The following GLMN variants were observed in gnomAD, a reference collection of about 807,000 sequenced individuals.
The protein encoded by GLMN is glomulin, FKBP associated protein, also known as glomulin.
In GLMN, 75 loss-of-function variants were observed where a neutral mutation model predicts 87.8. That is an observed-to-expected ratio of 0.85 (90% CI 0.71 to 1.04). The LOEUF is 1.04. Ranked by LOEUF, GLMN falls within the 50% of genes least tolerant of loss-of-function variation. GLMN has a pLI of 0.00. For synonymous variants in GLMN, 206 were observed against 221.6 expected (o/e 0.93, Z 0.63); for missense variants, 588 against 658.8 (o/e 0.89, Z 1.18).
chr1:92,327,801 T>C, the GLMN span, among the ~76,000 whole-genome samples: 1 of 152,196 alleles, frequency 6.6e-6, no homozygotes, highest in Admixed American at 6.5e-5. Flanking sequence ...ATTTCCAGGA[T>C]TTGTTTCAAG....
chr1:92,258,742 G>A (rs1277049743), intron 16 of GLMN, among the ~76,000 whole-genome samples: 5 of 152,164 alleles, frequency 3.3e-5, no homozygotes, highest in Admixed American at 2.0e-4. Context: ...ATCACACACC[G>A]GGGCCTGTCA....
intron 13 of GLMN, 47 bp from the exon 14 acceptor site, chr1:92,264,685 T>C (rs763320280): frequency 1.0e-6 from 1 of 983,880 alleles, no homozygotes; most frequent in Non-Finnish European, 1.6e-6. Context: ...TGGACAGCAT[T>C]AGAATTAAAT....
At chr1:92,291,862 C>T (rs1414874822) in intron 3 of GLMN, among the ~76,000 whole-genome samples, 1 of 152,140 alleles carries the variant, frequency 6.6e-6, no homozygotes, top group Non-Finnish European at 1.5e-5. Context: ...CTTCCACAGA[C>T]AATTTTGCTC....
the GLMN span, among the ~76,000 whole-genome samples, chr1:92,305,155 G>A: frequency 2.6e-5 from 4 of 151,408 alleles, no homozygotes; most frequent in Non-Finnish European, 5.9e-5. Flanking sequence ...ACAATAGACC[G>A]GGCGCCCTGG....
rs149479370 is a variant in GLMN at position 92,274,107 on chromosome 1, T to C, written c.736-2455A>G. On this transcript the variant is annotated intron_variant, in intron 7 of 18. Transcript: ENST00000370360. Reference sequence around the variant, plus strand: ...ACAGAAGACATCTCCTCATTTCATCTCCAAGCTGGTCTCACCTCTACTTCT... The same window carrying C: ...ACAGAAGACATCTCCTCATTTCATCCCCAAGCTGGTCTCACCTCTACTTCT... 2.0e-5 allele frequency among the ~76,000 whole-genome samples: 3 copies of C among 152,312 alleles called. No homozygotes were observed. In the East Asian group the frequency reaches 5.8e-4, roughly 29 times the overall value.
the GLMN span, among the ~76,000 whole-genome samples, chr1:92,309,868 G>A: frequency 6.6e-6 from 1 of 152,140 alleles, no homozygotes; most frequent in African/African-American, 2.4e-5. Flanking sequence ...AATAACAAAG[G>A]GCCAGGCTGA....
chr1:92,247,201 G>A lies in GLMN; in HGVS notation c.1586-57C>T, dbSNP rs141142924. 26 of 851,674 alleles carry A rather than the reference G, an allele frequency of 3.1e-5. No individual in the cohort carries two copies. The Admixed American group carries it at 4.2e-4, about 14-fold the overall frequency. The allele number at this position is 851,674 out of a possible 1,614,324, so 52.8% of individuals were successfully genotyped here. On this transcript the variant is annotated intron_variant, in intron 17 of 18. Transcript: ENST00000370360. ...TAACTCTCAGATTTCAATAACAAAG[G>A]TATAAGCTACTTTCATTCACTAACT...
At chr1:92,256,658 T>C (rs182598792) in intron 16 of GLMN, among the ~76,000 whole-genome samples, 15 of 152,260 alleles carry the variant, frequency 9.9e-5, no homozygotes, top group African/African-American at 2.4e-4. Flanking sequence ...AAAAACCACA[T>C]GATTATCTCA....
intron 16 of GLMN, among the ~76,000 whole-genome samples, chr1:92,250,297 AAC>A (rs199795458): frequency 2.6e-5 from 3 of 113,470 alleles, no homozygotes; most frequent in African/African-American, 6.3e-5. Flanking sequence ...GTATCACTTA[AAC>A]AATATAATTT....
the GLMN span, among the ~76,000 whole-genome samples, chr1:92,360,409 C>T: frequency 1.3e-5 from 2 of 152,082 alleles, no homozygotes; most frequent in African/African-American, 2.4e-5. Context: ...GAGCAAATGC[C>T]GACTACTCTT....
the GLMN span, among the ~76,000 whole-genome samples, chr1:92,327,336 G>A: frequency 6.6e-6 from 1 of 152,032 alleles, no homozygotes; most frequent in South Asian, 2.1e-4. Flanking sequence ...AAATTTGGGA[G>A]CTCCAGGTTT....
chr1:92,358,286 C>G, the GLMN span, among the ~76,000 whole-genome samples: 1 of 152,116 alleles, frequency 6.6e-6, no homozygotes, highest in Non-Finnish European at 1.5e-5. Flanking sequence ...CTCTGACCTT[C>G]TTTCATATGT....
At chr1:92,331,750 CCTT>C in the GLMN span, among the ~76,000 whole-genome samples, 1 of 152,040 alleles carries the variant, frequency 6.6e-6, no homozygotes. Context: ...GTTTTTCATT[CCTT>C]CTTCTATCCC....
chr1:92,282,943 T>TGAATAGACC (rs1648261430), intron 7 of GLMN, among the ~76,000 whole-genome samples: 1 of 152,162 alleles, frequency 6.6e-6, no homozygotes. Context: ...GTTGAATCTC[T>TGAATAGACC]GAATAGACCA....
rs1362932896 is a variant in GLMN, at chr1:92,259,761, C to T, written c.1473+3102G>A. Among the ~76,000 whole-genome samples, 4 of 110,838 alleles carry T rather than the reference C, an allele frequency of 3.6e-5. No individual in the cohort carries two copies. The South Asian group carries it at 1.0e-3, about 28-fold the overall frequency. The allele number at this position is 110,838 out of a possible 152,430, so 72.7% of individuals were successfully genotyped here. ...TTTTTTTTTTTTTTTTTGAGACAGACTCTTGCTCTGTCACCCAGTGGGGAG... is the reference window on the plus strand; with the variant it reads ...TTTTTTTTTTTTTTTTTGAGACAGATTCTTGCTCTGTCACCCAGTGGGGAG... On this transcript the variant is annotated intron_variant, in intron 16 of 18. Coordinates refer to ENST00000370360, the MANE Select transcript of GLMN (RefSeq NM_053274.3).
the GLMN span, among the ~76,000 whole-genome samples, chr1:92,317,456 C>T: frequency 2.6e-4 from 40 of 151,780 alleles, no homozygotes; most frequent in Admixed American, 2.0e-3. Flanking sequence ...TGCAGTGAGC[C>T]GAGATTGTGC....
chr1:92,349,756 C>T, the GLMN span, among the ~76,000 whole-genome samples: 5 of 152,076 alleles, frequency 3.3e-5, no homozygotes, highest in South Asian at 2.1e-4. Context: ...AGTGAGACCC[C>T]GTCTCTACAA....
intron 9 of GLMN, among the ~76,000 whole-genome samples, chr1:92,269,201 T>C (rs1655975295): frequency 7.2e-6 from 1 of 138,420 alleles, no homozygotes; most frequent in Admixed American, 7.3e-5. Flanking sequence ...CGTGCCTGGC[T>C]TTTTTTTTTT....
chr1:92,313,838 A>G, the GLMN span, among the ~76,000 whole-genome samples: 57 of 152,314 alleles, frequency 3.7e-4, no homozygotes, highest in African/African-American at 1.3e-3. Context: ...AACTTGCTGT[A>G]CCTTCTACAT....
Sources: gnomAD v4.1 joint callset for allele counts (sites outside exome capture counted in the v4.1 genomes callset) on GRCh38, gnomAD v4.1.1 for gene constraint, MANE v1.5 for transcripts, NCBI Gene and HGNC (gene_info 2026-07-23, HGNC 2026-07-21) for gene names.